ZFHX3: variants seen among roughly 807,000 people sequenced by gnomAD.
The protein encoded by ZFHX3 is zinc finger homeobox 3, also known as zinc finger homeobox protein 3.
In ZFHX3, 42 loss-of-function variants were observed where a neutral mutation model predicts 279.1. The observed-to-expected ratio is 0.15, with a 90% CI of 0.12 to 0.19. ZFHX3 has a LOEUF of 0.19. Among genes scored for constraint, ZFHX3 ranks in the 10% least tolerant of loss-of-function variants. The probability of loss-of-function intolerance (pLI) is 1.00; values close to 1 mark genes in which losing one functional copy is unlikely to be tolerated. For missense variants in ZFHX3, 4,981 were observed against 4,754.0 expected, an observed-to-expected ratio of 1.05 and a Z score of -1.40; for synonymous variants, 2,293 against 1,957.8, an observed-to-expected ratio of 1.17 and a Z score of -4.52.
chr16:73,630,540 A>G (rs2052458924), intron 2 of ZFHX3, among the ~76,000 whole-genome samples: 1 of 152,228 alleles, frequency 6.6e-6, no homozygotes, highest in Non-Finnish European at 1.5e-5. Flanking sequence ...TAGGAAAGGA[A>G]AGAGTGGCAA....
At chr16:73,849,764 GCTCTGTCGC>G (rs1475597573) in intron 1 of ZFHX3, among the ~76,000 whole-genome samples, 5 of 152,116 alleles carry the variant, frequency 3.3e-5, no homozygotes, top group Non-Finnish European at 1.5e-5. Flanking sequence ...ACGGACTCTC[GCTCTGTCGC>G]CCAGGCTAGA....
chr16:73,273,131 C>T lies in ZFHX3; in HGVS notation c.-1193-15995G>A, dbSNP rs529871387. 1.1e-4 allele frequency among the ~76,000 whole-genome samples: 17 copies of T among 152,242 alleles called. No individual in the cohort carries two copies. The South Asian group carries it at 2.3e-3, about 20-fold the overall frequency. ...TCTCCACCAGTCTTTCAGCCCCTAA[C>T]GAGGCTAAACTGATAAGGGTGTTCT... On this transcript the variant is annotated intron_variant, in intron 4 of 17. Coordinates refer to the ZFHX3 transcript ENST00000641206.
At chr16:73,365,479 C>T (rs2016514086) in intron 3 of ZFHX3, among the ~76,000 whole-genome samples, 1 of 152,180 alleles carries the variant, frequency 6.6e-6, no homozygotes, top group South Asian at 2.1e-4. Context: ...GGCTCAGCAC[C>T]AAGCCAAATA....
chr16:73,647,697 T>A (rs1567541904), intron 2 of ZFHX3, among the ~76,000 whole-genome samples: 1 of 151,828 alleles, frequency 6.6e-6, no homozygotes, highest in Non-Finnish European at 1.5e-5. Context: ...AGAAAGAGAT[T>A]AAAGATTTTC....
At chr16:73,640,964 A>G (rs1277749368) in intron 2 of ZFHX3, among the ~76,000 whole-genome samples, 2 of 152,218 alleles carry the variant, frequency 1.3e-5, no homozygotes, top group Admixed American at 6.5e-5. Flanking sequence ...AAAGCAGATC[A>G]TACAAAGCAG....
At chr16:72,995,261 T>C (rs7193343) in intron 1 of ZFHX3, among the ~76,000 whole-genome samples, 118,603 of 152,012 alleles carry the variant, frequency 0.78, 46,978 homozygotes, top group Middle Eastern at 0.87. Context: ...GGGGTCACCA[T>C]AAACAAGCTG....
At chr16:73,386,471 A>G (rs1304885499) in intron 3 of ZFHX3, among the ~76,000 whole-genome samples, 2 of 152,198 alleles carry the variant, frequency 1.3e-5, no homozygotes, top group Non-Finnish European at 2.9e-5. Context: ...TAAGGCATAT[A>G]GTGGTTACGT....
At chr16:73,340,763 A>C (rs1376242827) in intron 3 of ZFHX3, among the ~76,000 whole-genome samples, 1 of 152,176 alleles carries the variant, frequency 6.6e-6, no homozygotes, top group African/African-American at 2.4e-5. Flanking sequence ...CCAACCACAA[A>C]AAAGACTGTC....
intron 1 of ZFHX3, among the ~76,000 whole-genome samples, chr16:72,987,155 T>C (rs1011894323): frequency 2.6e-5 from 4 of 152,198 alleles, no homozygotes; most frequent in Non-Finnish European, 5.9e-5. Context: ...AGTGAGATCC[T>C]GTCTCAACAC....
At chr16:73,712,326 C>T (rs1347248197) in intron 1 of ZFHX3, among the ~76,000 whole-genome samples, 1 of 152,216 alleles carries the variant, frequency 6.6e-6, no homozygotes. Flanking sequence ...TGCCCTTCTT[C>T]CTTGGGGACA....
At chr16:73,747,903 A>G (rs2053718848) in intron 1 of ZFHX3, among the ~76,000 whole-genome samples, 1 of 152,176 alleles carries the variant, frequency 6.6e-6, no homozygotes, top group Admixed American at 6.5e-5. Context: ...TATTTCTCAG[A>G]GAATAATCTG....
intron 3 of ZFHX3, among the ~76,000 whole-genome samples, chr16:73,423,143 G>A (rs1431811936): frequency 1.3e-5 from 2 of 152,068 alleles, no homozygotes; most frequent in East Asian, 1.9e-4. Flanking sequence ...GATACTGAGG[G>A]TTAGGACTTC....
intron 2 of ZFHX3, among the ~76,000 whole-genome samples, chr16:73,459,727 C>G (rs1214481780): frequency 6.6e-6 from 1 of 152,082 alleles, no homozygotes; most frequent in Non-Finnish European, 1.5e-5. Context: ...AGAAAACTTA[C>G]AATCATGGCA....
intron 3 of ZFHX3, among the ~76,000 whole-genome samples, chr16:73,415,953 C>G (rs1437206991): frequency 6.6e-6 from 1 of 151,984 alleles, no homozygotes; most frequent in Non-Finnish European, 1.5e-5. Flanking sequence ...AACCCCATCT[C>G]TACTAAAAAT....
Position 72,959,933 on chromosome 16 carries a change from G to T in ZFHX3, c.213C>A (p.Pro71=). ...TGACCTCCTTGCTGGCGGGCTCGGA[G>T]GGGGGCCCGGCCGACGCGGTGCTCT... is the stretch of plus-strand genomic sequence containing the variant. ...LAESTASAGP[P]SEPASKEVTC... Residue 71 remains proline (P), a synonymous_variant, in exon 2 of 10, where the codon CCC becomes CCA. Transcript: ENST00000268489. 2 of 1,595,808 alleles carry T rather than the reference G, an allele frequency of 1.3e-6. No individual in the cohort carries two copies. The highest frequency in any genetic ancestry group is 1.3e-5 in the African/African-American group (1 of 74,526).
At chr16:73,608,328 A>C (rs1250514468) in intron 2 of ZFHX3, among the ~76,000 whole-genome samples, 3 of 152,184 alleles carry the variant, frequency 2.0e-5, no homozygotes, top group Non-Finnish European at 4.4e-5. Flanking sequence ...CCACCATGGC[A>C]AGACAGTGTA....
intron 2 of ZFHX3, among the ~76,000 whole-genome samples, chr16:73,623,192 G>A (rs1034451197): frequency 3.9e-5 from 6 of 151,964 alleles, no homozygotes; most frequent in Admixed American, 2.0e-4. Context: ...GCCCGCCACC[G>A]CACCCGGCTA....
At chr16:73,450,512 G>T (rs1242177766) in intron 3 of ZFHX3, among the ~76,000 whole-genome samples, 1 of 152,118 alleles carries the variant, frequency 6.6e-6, no homozygotes, top group Non-Finnish European at 1.5e-5. Context: ...ACACGTGTTT[G>T]TGGTTTTCAT....
chr16:73,709,669 G>C (rs1013932558), intron 1 of ZFHX3, among the ~76,000 whole-genome samples: 1 of 152,154 alleles, frequency 6.6e-6, no homozygotes, highest in Non-Finnish European at 1.5e-5. Context: ...CAAAATTTCA[G>C]TTAGGAAGAA....
Sources: gnomAD v4.1 joint callset for allele counts (sites outside exome capture counted in the v4.1 genomes callset) on GRCh38, gnomAD v4.1.1 for gene constraint, MANE v1.5 for transcripts, NCBI Gene and HGNC (gene_info 2026-07-23, HGNC 2026-07-21) for gene names.